Variants in KCNT2 observed in about 807,000 individuals in gnomAD.
KCNT2 encodes potassium sodium-activated channel subfamily T member 2, also known as potassium channel subfamily T member 2.
A neutral mutation model predicts 153.8 loss-of-function variants in KCNT2; 67 were observed. The ratio of observed to expected loss-of-function variants is 0.44; its 90% CI spans 0.36 to 0.53. The LOEUF (loss-of-function observed/expected upper bound fraction) is 0.53. KCNT2 is among the 20% of genes least tolerant of loss of function. The pLI is 0.00. For synonymous variants in KCNT2, 500 were observed against 458.8 expected (o/e 1.09, Z -1.15); for missense variants, 975 against 1,354.8 (o/e 0.72, Z 4.40).
chr1:196,568,509 T>G (rs1660380533), intron 1 of KCNT2, among the ~76,000 whole-genome samples: 1 of 147,776 alleles, frequency 6.8e-6, no homozygotes, highest in African/African-American at 2.5e-5. Flanking sequence ...GGCAGGAAAA[T>G]GGAGTGAACC....
At chr1:196,292,321 C>T (rs908161864) in intron 22 of KCNT2, among the ~76,000 whole-genome samples, 6 of 152,140 alleles carry the variant, frequency 3.9e-5, no homozygotes, top group African/African-American at 1.4e-4. Context: ...AAATGTACCT[C>T]AACATAATAT....
intron 12 of KCNT2, among the ~76,000 whole-genome samples, chr1:196,406,676 T>C (rs766430302): frequency 1.3e-5 from 2 of 151,408 alleles, no homozygotes; most frequent in African/African-American, 4.8e-5. Flanking sequence ...AAATATAATT[T>C]TGTCCTCCTG....
intron 13 of KCNT2, among the ~76,000 whole-genome samples, chr1:196,376,758 T>TA (rs1268006223): frequency 3.3e-5 from 5 of 151,918 alleles, no homozygotes; most frequent in Admixed American, 2.6e-4. Flanking sequence ...AGAAATGAAA[T>TA]AAAACAAGCT....
intron 27 of KCNT2, among the ~76,000 whole-genome samples, chr1:196,228,810 T>C (rs959548159): frequency 1.3e-5 from 2 of 152,104 alleles, no homozygotes; most frequent in Non-Finnish European, 2.9e-5. Context: ...AATTAGGAGA[T>C]TGATGTAAGC....
At chr1:196,368,682 A>G (rs2148309601) in intron 14 of KCNT2, among the ~76,000 whole-genome samples, 1 of 152,222 alleles carries the variant, frequency 6.6e-6, no homozygotes, top group East Asian at 1.9e-4. Flanking sequence ...TTATTATGCT[A>G]TACTATATTT....
intron 12 of KCNT2, among the ~76,000 whole-genome samples, chr1:196,410,325 T>C (rs1000138800): frequency 2.0e-5 from 3 of 151,636 alleles, no homozygotes; most frequent in Non-Finnish European, 4.4e-5. Context: ...TTATTGCTTT[T>C]TTTTTTTAGT....
At chr1:196,572,918 A>C (rs1356578022) in intron 1 of KCNT2, among the ~76,000 whole-genome samples, 1 of 152,114 alleles carries the variant, frequency 6.6e-6, no homozygotes, top group Non-Finnish European at 1.5e-5. Context: ...TACTCCATAT[A>C]CATGGAGAAG....
At chr1:196,592,919 AATAAAATAATTT>A (rs1204812427) in intron 1 of KCNT2, among the ~76,000 whole-genome samples, 1 of 150,306 alleles carries the variant, frequency 6.7e-6, no homozygotes, top group African/African-American at 2.4e-5. Context: ...AAATTAATTT[AATAAAATAATTT>A]TTTATTTCCA....
intron 27 of KCNT2, among the ~76,000 whole-genome samples, chr1:196,233,935 T>C (rs1463808886): frequency 6.6e-6 from 1 of 151,308 alleles, no homozygotes; most frequent in Admixed American, 6.6e-5. Context: ...AGAAACTGGT[T>C]TATTAGTAAC....
intron 7 of KCNT2, among the ~76,000 whole-genome samples, chr1:196,466,901 C>G (rs759624295): frequency 3.9e-5 from 6 of 151,966 alleles, no homozygotes; most frequent in Non-Finnish European, 8.8e-5. Flanking sequence ...CAAGCAGGGT[C>G]AGCCTTGGGT....
chr1:196,501,266 T>G (rs932592922), intron 1 of KCNT2, among the ~76,000 whole-genome samples: 3 of 152,198 alleles, frequency 2.0e-5, no homozygotes, highest in Non-Finnish European at 4.4e-5. Context: ...GTATTTTTAT[T>G]GCAGCACTAC....
At chr1:196,253,308 G>A (rs1327884632) in intron 26 of KCNT2, among the ~76,000 whole-genome samples, 1 of 151,188 alleles carries the variant, frequency 6.6e-6, no homozygotes, top group African/African-American at 2.4e-5. Flanking sequence ...TATGTACATT[G>A]ATAGTTTTTT....
intron 19 of KCNT2, among the ~76,000 whole-genome samples, chr1:196,325,507 A>T (rs1374718561): frequency 6.6e-6 from 1 of 152,172 alleles, no homozygotes; most frequent in Admixed American, 6.6e-5. Flanking sequence ...CCTAGCAGAG[A>T]TGCTTCAGAA....
Position 196,333,913 on chromosome 1 carries a change from CAT to C in KCNT2, c.1929_1930del (p.Cys644Ter), listed in dbSNP as rs1336403738. The C allele has an allele frequency of 6.2e-7, 1 of 1,612,724 alleles. No homozygotes were observed. Among genetic ancestry groups the C allele is most frequent in the Non-Finnish European group, 8.5e-7 (1 of 1,179,206 alleles). On this transcript the variant is annotated frameshift_variant, in exon 17 of 28. Coordinates refer to ENST00000294725, the MANE Select transcript of KCNT2 (RefSeq NM_198503.5). LOFTEE classifies it high-confidence loss of function. ...TTCTGATTGGTCACTTAGAAGATCA[CAT>C]GTTTGAATCGATGATGTATCTGCAA...
intron 23 of KCNT2, among the ~76,000 whole-genome samples, chr1:196,282,959 C>T (rs1052603467): frequency 2.6e-5 from 4 of 152,166 alleles, no homozygotes; most frequent in African/African-American, 9.6e-5. Context: ...ATTCTCCTTC[C>T]TCAGCCTCCC....
intron 1 of KCNT2, among the ~76,000 whole-genome samples, chr1:196,576,829 A>G (rs1661434516): frequency 6.6e-6 from 1 of 152,062 alleles, no homozygotes. Flanking sequence ...AGAACAATCA[A>G]TCCAATCAGT....
intron 19 of KCNT2, 40 bp from the exon 20 acceptor site, chr1:196,319,595 C>G (rs758686692): frequency 1.5e-6 from 2 of 1,324,714 alleles, no homozygotes; most frequent in East Asian, 4.7e-5. Flanking sequence ...CACAATGTCA[C>G]AACAGTGGCA....
intron 8 of KCNT2, among the ~76,000 whole-genome samples, chr1:196,435,881 C>T (rs1449439478): frequency 6.6e-6 from 1 of 151,754 alleles, no homozygotes; most frequent in Non-Finnish European, 1.5e-5. Context: ...AAAGTCACCT[C>T]CTCAAAGAGT....
chr1:196,590,847 C>A lies in KCNT2; in HGVS notation c.95+17368G>T, dbSNP rs577647820. ...CCCATGTTGAAAAGAGATCTCAGGC[C>A]GAGTGCAGTGGCTCATGCCTGTAAT... On this transcript the variant is annotated intron_variant, in intron 1 of 27. Coordinates refer to ENST00000294725, the MANE Select transcript of KCNT2 (RefSeq NM_198503.5). Among the ~76,000 whole-genome samples the A allele has an allele frequency of 3.3e-5, 5 of 152,162 alleles. No homozygotes were observed. In the South Asian group the frequency reaches 1.0e-3, roughly 32 times the overall value.
Sources: gnomAD v4.1 joint callset for allele counts (sites outside exome capture counted in the v4.1 genomes callset) on GRCh38, gnomAD v4.1.1 for gene constraint, MANE v1.5 for transcripts, NCBI Gene and HGNC (gene_info 2026-07-23, HGNC 2026-07-21) for gene names.